HNRNPA1L2: variants seen among roughly 807,000 people sequenced by gnomAD.
HNRNPA1L2 encodes the protein heterogeneous nuclear ribonucleoprotein A1-like 2.
HNRNPA1L2 carries 10 observed loss-of-function variants against 18.2 expected under a neutral mutation model. The ratio of observed to expected loss-of-function variants is 0.55; its 90% CI spans 0.34 to 0.93. HNRNPA1L2 has a LOEUF of 0.93. Among genes scored for constraint, HNRNPA1L2 ranks in the 40% least tolerant of loss-of-function variants. The pLI, the probability that HNRNPA1L2 is intolerant of heterozygous loss-of-function variation, is 0.02. For synonymous variants in HNRNPA1L2, 124 were observed against 138.6 expected, an observed-to-expected ratio of 0.89 and a Z score of 0.74; for missense variants, 308 against 394.4, an observed-to-expected ratio of 0.78 and a Z score of 1.85.
chr13:52,627,098 T>C, the HNRNPA1L2 span, among the ~76,000 whole-genome samples: 2 of 152,214 alleles, frequency 1.3e-5, no homozygotes, highest in Non-Finnish European at 2.9e-5. Context: ...GAGTAAAGCT[T>C]CTGTGAACAG....
the HNRNPA1L2 span, among the ~76,000 whole-genome samples, chr13:52,623,648 T>G: frequency 2.6e-5 from 4 of 152,154 alleles, no homozygotes; most frequent in Admixed American, 6.5e-5. Context: ...CCAGGATGCA[T>G]GGGATTAGAT....
At chr13:52,630,524 G>A in the HNRNPA1L2 span, among the ~76,000 whole-genome samples, 1 of 152,182 alleles carries the variant, frequency 6.6e-6, no homozygotes, top group Non-Finnish European at 1.5e-5. Context: ...GCCCACCTCG[G>A]CCTCCCAAAG....
upstream of HNRNPA1L2, among the ~76,000 whole-genome samples, chr13:52,640,185 C>T (rs1961613373): frequency 6.6e-6 from 1 of 152,178 alleles, no homozygotes. Flanking sequence ...AAGGGATTCA[C>T]CCCTCCTTGG....
chr13:52,629,154 G>A, the HNRNPA1L2 span: 38 of 152,968 alleles, frequency 2.5e-4, no homozygotes, highest in African/African-American at 8.2e-4. Context: ...GGGATTACAG[G>A]TGTGAGCCAC....
chr13:52,627,749 A>C, the HNRNPA1L2 span, among the ~76,000 whole-genome samples: 1 of 152,196 alleles, frequency 6.6e-6, no homozygotes, highest in Non-Finnish European at 1.5e-5. Context: ...CTTATGTCTT[A>C]AGTAAGATTA....
chr13:52,638,798 G>A (rs1458590780), upstream of HNRNPA1L2, among the ~76,000 whole-genome samples: 2 of 152,144 alleles, frequency 1.3e-5, no homozygotes, highest in African/African-American at 2.4e-5. Context: ...TATTTACTGT[G>A]CTGCTTAATA....
the HNRNPA1L2 span, among the ~76,000 whole-genome samples, chr13:52,620,956 A>G: frequency 6.6e-6 from 1 of 152,144 alleles, no homozygotes; most frequent in Non-Finnish European, 1.5e-5. Flanking sequence ...ATAAGTAGGG[A>G]CTATGAAATT....
the HNRNPA1L2 span, among the ~76,000 whole-genome samples, chr13:52,628,124 G>A: frequency 4.6e-5 from 7 of 152,258 alleles, no homozygotes; most frequent in African/African-American, 1.4e-4. Flanking sequence ...CCCAATGAGC[G>A]TGTGTACCAG....
upstream of HNRNPA1L2, among the ~76,000 whole-genome samples, chr13:52,640,120 T>C (rs1359569881): frequency 6.6e-6 from 1 of 152,142 alleles, no homozygotes; most frequent in East Asian, 1.9e-4. Flanking sequence ...GTGTGTATTT[T>C]TGTAGAAAGG....
the HNRNPA1L2 span, among the ~76,000 whole-genome samples, chr13:52,628,912 G>A: frequency 1.3e-5 from 2 of 152,112 alleles, no homozygotes; most frequent in Admixed American, 6.5e-5. Context: ...TTTCACTCTT[G>A]TCTCCTCGGC....
chr13:52,634,853 G>A, the HNRNPA1L2 span, among the ~76,000 whole-genome samples: 1 of 152,168 alleles, frequency 6.6e-6, no homozygotes, highest in Non-Finnish European at 1.5e-5. Context: ...TGTAAAATGA[G>A]GGTTAGTATG....
chr13:52,635,708 A>C, the HNRNPA1L2 span, among the ~76,000 whole-genome samples: 1 of 152,086 alleles, frequency 6.6e-6, no homozygotes, highest in African/African-American at 2.4e-5. Flanking sequence ...ATCACACAGT[A>C]CGTACTCTTT....
At chr13:52,638,575 CT>C (rs909478514), upstream of HNRNPA1L2, among the ~76,000 whole-genome samples, 25 of 152,262 alleles carry the variant, frequency 1.6e-4, no homozygotes, top group Admixed American at 1.6e-3. Flanking sequence ...CTAAAACTTG[CT>C]GAGGTAATCA....
the HNRNPA1L2 span, among the ~76,000 whole-genome samples, chr13:52,634,115 G>A: frequency 1.3e-5 from 2 of 152,146 alleles, no homozygotes; most frequent in African/African-American, 4.8e-5. Context: ...AGAACTGAAG[G>A]TGAAGCTAAA....
chr13:52,622,787 CT>C, the HNRNPA1L2 span, among the ~76,000 whole-genome samples: 1 of 151,900 alleles, frequency 6.6e-6, no homozygotes, highest in Non-Finnish European at 1.5e-5. Context: ...ATTACTTGTG[CT>C]TGTCAAAAGA....
chr13:52,632,812 C>A, the HNRNPA1L2 span, among the ~76,000 whole-genome samples: 1 of 152,206 alleles, frequency 6.6e-6, no homozygotes, highest in Non-Finnish European at 1.5e-5. Context: ...AGCTTATATG[C>A]TGGCTGTTTG....
the HNRNPA1L2 span, among the ~76,000 whole-genome samples, chr13:52,629,905 T>C: frequency 6.6e-6 from 1 of 152,086 alleles, no homozygotes; most frequent in African/African-American, 2.4e-5. Flanking sequence ...CTGGCTAACA[T>C]GGTGAAACCC....
the HNRNPA1L2 span, among the ~76,000 whole-genome samples, chr13:52,635,663 T>C: frequency 6.6e-6 from 1 of 151,416 alleles, no homozygotes; most frequent in Non-Finnish European, 1.5e-5. Flanking sequence ...TTAAAATAGA[T>C]TAAGTTGCAT....
the HNRNPA1L2 span, among the ~76,000 whole-genome samples, chr13:52,623,145 C>G: frequency 3.9e-5 from 6 of 152,132 alleles, no homozygotes; most frequent in Admixed American, 1.3e-4. Context: ...AGAAACAAAA[C>G]AGTTACATAT....
Sources: allele counts gnomAD v4.1 joint callset (sites outside exome capture counted in the v4.1 genomes callset), GRCh38; gene constraint gnomAD v4.1.1; transcripts MANE v1.5; gene names NCBI Gene and HGNC (gene_info 2026-07-23, HGNC 2026-07-21).